Variants in KAZN observed in about 807,000 individuals in gnomAD.
KAZN encodes the protein kazrin.
KAZN carries 40 observed loss-of-function variants against 87.4 expected under a neutral mutation model. That is an observed-to-expected ratio of 0.46 (90% CI 0.36 to 0.60). The LOEUF is 0.60. KAZN is among the 20% of genes least tolerant of loss of function. The pLI, the probability that KAZN is intolerant of heterozygous loss-of-function variation, is 0.00. For synonymous variants in KAZN, 466 were observed against 458.3 expected (o/e 1.02, Z -0.22); for missense variants, 898 against 1,073.9 (o/e 0.84, Z 2.29).
intron 1 of KAZN, among the ~76,000 whole-genome samples, chr1:13,935,737 T>C (rs2100950393): frequency 6.6e-6 from 1 of 152,308 alleles, no homozygotes; most frequent in Non-Finnish European, 1.5e-5. Flanking sequence ...AGATGGAACA[T>C]GAACTTCATA....
intron 3 of KAZN, among the ~76,000 whole-genome samples, chr1:15,038,097 T>G (rs1393417451): frequency 6.6e-6 from 1 of 151,682 alleles, no homozygotes; most frequent in East Asian, 1.9e-4. Context: ...TACAAAAAAT[T>G]TTAAAAATTA....
At position 14,207,756 on chromosome 1, in the gene KAZN, A is replaced by C. The variant is rs184704264; in HGVS notation, c.249+27164A>C. Among the ~76,000 whole-genome samples the C allele has an allele frequency of 3.2e-3, 487 of 152,220 alleles. 2 individuals carry two copies. Among genetic ancestry groups the C allele is most frequent in the African/African-American group, 0.011 (468 of 41,526 alleles). On this transcript the variant is annotated intron_variant, in intron 2 of 16. Coordinates refer to the KAZN transcript ENST00000636203. ...TTCTAGAATGCCCAGGGACATTCTA[A>C]TATCTGAGAAAAAAACATCTTAGGA...
chr1:14,773,465 C>G lies in KAZN; in HGVS notation c.226+174242C>G, dbSNP rs1045447043. Among the ~76,000 whole-genome samples the G allele has an allele frequency of 6.6e-6, 1 of 152,082 alleles. No homozygotes were observed. The highest frequency in any genetic ancestry group is 1.5e-5 in the Non-Finnish European group (1 of 68,010). On this transcript the variant is annotated intron_variant, in intron 1 of 14. Coordinates refer to ENST00000376030, the MANE Select transcript of KAZN (RefSeq NM_201628.3). This position sits in a 1 kb window ranked among gnomAD's most constrained non-coding sequence, Gnocchi z 5.9. Reference sequence around the variant, plus strand: ...ATCAACTCTGCACTAAGGTGTGAAACGTAAACACCCCCGAGGGAGGAAGGC... The same window carrying G: ...ATCAACTCTGCACTAAGGTGTGAAAGGTAAACACCCCCGAGGGAGGAAGGC...
At chr1:14,347,483 C>T (rs1190908901) in intron 2 of KAZN, among the ~76,000 whole-genome samples, 2 of 152,152 alleles carry the variant, frequency 1.3e-5, no homozygotes, top group African/African-American at 4.8e-5. Flanking sequence ...CCAGCCTCCC[C>T]AAGGCTGGAT....
intron 2 of KAZN, among the ~76,000 whole-genome samples, chr1:15,028,397 G>C (rs1671379641): frequency 6.6e-6 from 1 of 152,244 alleles, no homozygotes; most frequent in Non-Finnish European, 1.5e-5. Flanking sequence ...AGCTGAGTCA[G>C]GAGGCCAGTC....
chr1:14,125,355 C>A (rs933349122), intron 1 of KAZN, among the ~76,000 whole-genome samples: 7 of 152,142 alleles, frequency 4.6e-5, no homozygotes, highest in African/African-American at 1.4e-4. Flanking sequence ...CATGTCCTAG[C>A]CAAACATTCC....
At chr1:14,694,176 G>A (rs544844629) in intron 1 of KAZN, among the ~76,000 whole-genome samples, 1 of 152,286 alleles carries the variant, frequency 6.6e-6, no homozygotes, top group African/African-American at 2.4e-5. Flanking sequence ...CCTTTCGGTC[G>A]ACAGTCGGCT....
intron 1 of KAZN, among the ~76,000 whole-genome samples, chr1:14,703,310 C>T (rs1281284045): frequency 6.6e-6 from 1 of 152,198 alleles, no homozygotes; most frequent in Admixed American, 6.5e-5. Flanking sequence ...CCATAATCCC[C>T]ATGGGTCATG....
Position 14,923,348 on chromosome 1 carries a change from G to A in KAZN, c.227-37336G>A, listed in dbSNP as rs1225496571. ...TCAGAGCTGCACACTTACTTCACAG[G>A]AGCACTGCCAGCCTGAACACCCACT... On this transcript the variant is annotated intron_variant, in intron 1 of 14. Coordinates refer to ENST00000376030, the MANE Select transcript of KAZN (RefSeq NM_201628.3). The surrounding 1 kb of genome is among the most constrained non-coding windows in gnomAD (Gnocchi z 4.2). Among the ~76,000 whole-genome samples the A allele has an allele frequency of 6.6e-6, 1 of 152,186 alleles. No homozygotes were observed. The highest frequency in any genetic ancestry group is 1.5e-5 in the Non-Finnish European group (1 of 68,030).
chr1:14,459,614 TCTCC>T (rs1247843976), intron 2 of KAZN, among the ~76,000 whole-genome samples: 1 of 152,052 alleles, frequency 6.6e-6, no homozygotes, highest in African/African-American at 2.4e-5. Context: ...ATTAACCATG[TCTCC>T]CCTGGGCACA....
Position 13,994,981 on chromosome 1 carries a change from C to T in KAZN, c.91+101225C>T, listed in dbSNP as rs147743750. Among the ~76,000 whole-genome samples, 11 of 152,200 alleles carry T rather than the reference C, an allele frequency of 7.2e-5. No homozygotes were observed. In the East Asian group the frequency reaches 2.1e-3, roughly 29 times the overall value. ...GGGGGATTGGGGCTCTAGAGAGACT[C>T]ATGGGCATAATGAAAACTTCTAAGG... On this transcript the variant is annotated intron_variant, in intron 1 of 16. Coordinates refer to the KAZN transcript ENST00000636203.
At chr1:14,874,196 G>C (rs1652489430) in intron 1 of KAZN, among the ~76,000 whole-genome samples, 2 of 152,188 alleles carry the variant, frequency 1.3e-5, no homozygotes, top group South Asian at 4.1e-4. Flanking sequence ...TACAGATAGA[G>C]AATCCAAGGA....
At chr1:14,580,969 G>A (rs1160212198) in intron 2 of KAZN, among the ~76,000 whole-genome samples, 1 of 152,034 alleles carries the variant, frequency 6.6e-6, no homozygotes, top group Non-Finnish European at 1.5e-5. Context: ...TTTTTTGCTT[G>A]TGTCTCCTTA....
At chr1:14,865,790 G>A (rs1325947999) in intron 1 of KAZN, among the ~76,000 whole-genome samples, 2 of 152,146 alleles carry the variant, frequency 1.3e-5, no homozygotes, top group Admixed American at 1.3e-4. Flanking sequence ...AATAGGGTGA[G>A]CCCTAATCCC....
At chr1:14,647,173 T>G (rs778414097) in intron 1 of KAZN, among the ~76,000 whole-genome samples, 17 of 152,328 alleles carry the variant, frequency 1.1e-4, no homozygotes, top group Non-Finnish European at 2.2e-4. Flanking sequence ...AAGAGTAACA[T>G]ATTTTAATAA....
At chr1:14,638,568 C>CAA (rs1485192591) in intron 1 of KAZN, among the ~76,000 whole-genome samples, 1 of 50,224 alleles carries the variant, frequency 2.0e-5, no homozygotes, top group Non-Finnish European at 3.5e-5. Flanking sequence ...GACTCCGTCT[C>CAA]AAAAAAAAAA....
At chr1:14,194,575 T>C (rs1413037868) in intron 2 of KAZN, among the ~76,000 whole-genome samples, 1 of 152,160 alleles carries the variant, frequency 6.6e-6, no homozygotes. Context: ...GGGGAGGCAG[T>C]CTGTAAAGTA....
At chr1:14,905,361 C>G (rs1345710527) in intron 1 of KAZN, among the ~76,000 whole-genome samples, 2 of 152,184 alleles carry the variant, frequency 1.3e-5, no homozygotes, top group African/African-American at 4.8e-5. Flanking sequence ...TGCGCCTGGA[C>G]AGGAAATGCT....
At chr1:14,751,736 A>G (rs947363289) in intron 1 of KAZN, among the ~76,000 whole-genome samples, 3 of 152,174 alleles carry the variant, frequency 2.0e-5, no homozygotes, top group African/African-American at 7.2e-5. Flanking sequence ...TGCTTGTCAC[A>G]GGGAGCACCG....
Sources: gnomAD v4.1 joint callset for allele counts (sites outside exome capture counted in the v4.1 genomes callset) on GRCh38, gnomAD v4.1.1 for gene constraint, Gnocchi (gnomAD v3.1) non-coding constraint, MANE v1.5 for transcripts, NCBI Gene and HGNC (gene_info 2026-07-23, HGNC 2026-07-21) for gene names.